MOB3B: variants seen among roughly 807,000 people sequenced by gnomAD.
MOB3B encodes the protein MOB kinase activator 3B.
In MOB3B, 7 loss-of-function variants were observed where a neutral mutation model predicts 18.7. That is an observed-to-expected ratio of 0.37 (90% confidence interval 0.21 to 0.70). The LOEUF (loss-of-function observed/expected upper bound fraction) is 0.70, where lower values mean the gene tolerates loss of function less well. Among genes scored for constraint, MOB3B ranks in the 30% least tolerant of loss-of-function variants. The pLI, the probability that MOB3B is intolerant of heterozygous loss-of-function variation, is 0.52. For missense variants in MOB3B, 253 were observed against 281.3 expected, an observed-to-expected ratio of 0.90 and a Z score of 0.72; for synonymous variants, 111 against 99.9, an observed-to-expected ratio of 1.11 and a Z score of -0.66.
chr9:27,461,309 A>G (rs1280566224), intron 1 of MOB3B, among the ~76,000 whole-genome samples: 3 of 152,206 alleles, frequency 2.0e-5, no homozygotes, highest in Non-Finnish European at 4.4e-5. Context: ...CCTAAGATGC[A>G]ATTCCATCAG....
rs1820739117 is a variant in MOB3B, at chr9:27,328,234, A to G, written c.*2353T>C. ...GAGAGTAGGACAGGTTAGGAAGAAG[A>G]AGGAGGGTTGTCAGTCTCTGACCCA... is the stretch of plus-strand genomic sequence containing the variant. On this transcript the variant is annotated 3_prime_UTR_variant, in exon 4 of 4. Transcript: ENST00000262244. 1 of 152,202 alleles carries G rather than the reference A, an allele frequency of 6.6e-6. No homozygotes were observed. Among genetic ancestry groups the G allele is most frequent in the South Asian group, 2.1e-4 (1 of 4,834 alleles). 9.4% of individuals were successfully genotyped at this position (152,202 alleles called of 1,614,324 possible).
At chr9:27,523,607 T>C (rs748231224) in intron 1 of MOB3B, among the ~76,000 whole-genome samples, 2 of 152,156 alleles carry the variant, frequency 1.3e-5, no homozygotes, top group Non-Finnish European at 2.9e-5. Context: ...AAGTCCAGGA[T>C]GGATTTAACT....
chr9:27,348,667 A>AAAG (rs1821064779), intron 3 of MOB3B, among the ~76,000 whole-genome samples: 1 of 152,076 alleles, frequency 6.6e-6, no homozygotes, highest in African/African-American at 2.4e-5. Context: ...TAAAAAAAAA[A>AAAG]AAAGAAAGAA....
chr9:27,365,528 C>T (rs995937528), intron 2 of MOB3B, among the ~76,000 whole-genome samples: 8 of 151,904 alleles, frequency 5.3e-5, no homozygotes, highest in Non-Finnish European at 1.2e-4. Context: ...CCAGACAAAC[C>T]ATCAGCAATA....
chr9:27,512,638 T>G (rs528391453), intron 1 of MOB3B, among the ~76,000 whole-genome samples: 1 of 152,340 alleles, frequency 6.6e-6, no homozygotes, highest in South Asian at 2.1e-4. Flanking sequence ...CACTACTGTT[T>G]CATGGGTGTA....
chr9:27,495,684 A>T (rs1233891222), intron 1 of MOB3B, among the ~76,000 whole-genome samples: 2 of 152,236 alleles, frequency 1.3e-5, no homozygotes, highest in Non-Finnish European at 2.9e-5. Context: ...ACTGTTGGTT[A>T]GTGTATTAAA....
chr9:27,482,766 C>G (rs1014277444), intron 1 of MOB3B, among the ~76,000 whole-genome samples: 1 of 152,170 alleles, frequency 6.6e-6, no homozygotes, highest in African/African-American at 2.4e-5. Flanking sequence ...AAGGAATGCA[C>G]CACATGGCCG....
intron 2 of MOB3B, among the ~76,000 whole-genome samples, chr9:27,425,916 G>C (rs1304020400): frequency 6.6e-6 from 1 of 152,156 alleles, no homozygotes. Context: ...CATAGGTAAG[G>C]AAGGAAGAGT....
chr9:27,492,507 G>A (rs987105846), intron 1 of MOB3B, among the ~76,000 whole-genome samples: 49 of 152,320 alleles, frequency 3.2e-4, no homozygotes, highest in African/African-American at 1.1e-3. Flanking sequence ...CTCTCAAGAT[G>A]AGGTCTACCT....
chr9:27,408,245 G>A (rs561887240), intron 2 of MOB3B, among the ~76,000 whole-genome samples: 32 of 152,292 alleles, frequency 2.1e-4, no homozygotes, highest in Non-Finnish European at 4.4e-4. Context: ...CATGTACCAC[G>A]TCTGAAACAC....
At chr9:27,411,405 C>G (rs938792894) in intron 2 of MOB3B, among the ~76,000 whole-genome samples, 1 of 152,212 alleles carries the variant, frequency 6.6e-6, no homozygotes, top group Non-Finnish European at 1.5e-5. Flanking sequence ...GTACCAATTT[C>G]TTGGGATTAC....
chr9:27,370,611 C>A (rs995484982), intron 2 of MOB3B, among the ~76,000 whole-genome samples: 5 of 152,132 alleles, frequency 3.3e-5, no homozygotes, highest in African/African-American at 1.2e-4. Flanking sequence ...TCACCAGACA[C>A]TGAACCCACC....
chr9:27,528,964 G>A (rs191430175), intron 1 of MOB3B, among the ~76,000 whole-genome samples: 2 of 152,274 alleles, frequency 1.3e-5, no homozygotes, highest in East Asian at 1.9e-4. Context: ...GACAGTTGTT[G>A]GCCCCAAAGT....
chr9:27,485,108 T>C (rs116055472), intron 1 of MOB3B, among the ~76,000 whole-genome samples: 1,780 of 152,314 alleles, frequency 0.012, 39 homozygotes, highest in African/African-American at 0.04. Context: ...CCAGTCCATA[T>C]ATTGATAATA....
intron 2 of MOB3B, among the ~76,000 whole-genome samples, chr9:27,383,616 A>G (rs1427964232): frequency 6.6e-6 from 1 of 152,216 alleles, no homozygotes; most frequent in East Asian, 1.9e-4. Context: ...ATGGGTGTAG[A>G]GGGATAACTA....
At chr9:27,345,426 T>C (rs763250650) in intron 3 of MOB3B, among the ~76,000 whole-genome samples, 15 of 152,090 alleles carry the variant, frequency 9.9e-5, no homozygotes, top group Non-Finnish European at 2.1e-4. Context: ...AAAATACAAG[T>C]ACTGCTCTAA....
chr9:27,420,149 A>AG (rs1188580071), intron 2 of MOB3B, among the ~76,000 whole-genome samples: 2 of 152,104 alleles, frequency 1.3e-5, no homozygotes, highest in Non-Finnish European at 2.9e-5. Context: ...AAAAAATCAA[A>AG]AAAGAGTAGA....
chr9:27,496,633 G>C (rs1003260468), intron 1 of MOB3B, among the ~76,000 whole-genome samples: 12 of 152,142 alleles, frequency 7.9e-5, no homozygotes, highest in Admixed American at 6.5e-4. Context: ...ATTTAAAATA[G>C]GGAAACTGTA....
intron 2 of MOB3B, among the ~76,000 whole-genome samples, chr9:27,376,717 C>G (rs1282952264): frequency 6.6e-6 from 1 of 152,186 alleles, no homozygotes; most frequent in Non-Finnish European, 1.5e-5. Context: ...TAAGTGTGGT[C>G]TCCGGACCAG....
Sources: gnomAD v4.1 joint callset for allele counts (sites outside exome capture counted in the v4.1 genomes callset) on GRCh38, gnomAD v4.1.1 for gene constraint, MANE v1.5 for transcripts, NCBI Gene and HGNC (gene_info 2026-07-23, HGNC 2026-07-21) for gene names.